RBMS1: variants seen among roughly 807,000 people sequenced by gnomAD.
RBMS1 encodes the protein RNA-binding motif, single-stranded-interacting protein 1.
A neutral mutation model predicts 62.3 loss-of-function variants in RBMS1; 17 were observed. The observed-to-expected ratio is 0.27, with a 90% CI of 0.19 to 0.41. The LOEUF (loss-of-function observed/expected upper bound fraction) is 0.41. Ranked by LOEUF, RBMS1 falls within the 10% of genes least tolerant of loss-of-function variation. RBMS1 has a pLI of 1.00. For missense variants in RBMS1, 334 were observed against 504.5 expected (o/e 0.66, Z 3.24); for synonymous variants, 172 against 170.0 (o/e 1.01, Z -0.09).
chr2:160,439,923 C>CT (rs1338054434), intron 1 of RBMS1, among the ~76,000 whole-genome samples: 1 of 151,948 alleles, frequency 6.6e-6, no homozygotes, highest in Non-Finnish European at 1.5e-5. Context: ...GGCGTGGCGG[C>CT]GCGCGCCTGC....
chr2:160,449,804 A>G (rs555956070), intron 1 of RBMS1, among the ~76,000 whole-genome samples: 1 of 149,468 alleles, frequency 6.7e-6, no homozygotes, highest in African/African-American at 2.5e-5. Context: ...TCTCTGAGAA[A>G]CACCCAAGAA....
chr2:160,493,572 T>TTCC lies in RBMS1; in HGVS notation c.-212_-210dup, dbSNP rs1056033412. ...CCTCCTCCTCCTCCTCCTCCTCCTC[T>TTCC]TCCTCCTCCTCCTCCTCCTCCCAGG... On this transcript the variant is annotated 5_prime_UTR_variant, in exon 1 of 14. Coordinates refer to ENST00000348849, the MANE Select transcript of RBMS1 (RefSeq NM_016836.4). 6.5e-4 allele frequency: 273 copies of TTCC among 422,520 alleles called. No individual in the cohort carries two copies. Among genetic ancestry groups the TTCC allele is most frequent in the African/African-American group, 5.6e-3 (199 of 35,720 alleles). 26.2% of individuals were successfully genotyped at this position (422,520 alleles called of 1,614,324 possible).
At chr2:160,455,695 T>C (rs2105325128) in intron 1 of RBMS1, among the ~76,000 whole-genome samples, 2 of 150,986 alleles carry the variant, frequency 1.3e-5, no homozygotes, top group Non-Finnish European at 3.0e-5. Flanking sequence ...TTTTTTTTTT[T>C]TTTTTTGAGA....
chr2:160,485,476 T>A (rs1685563129), intron 1 of RBMS1, among the ~76,000 whole-genome samples: 1 of 152,200 alleles, frequency 6.6e-6, no homozygotes, highest in Non-Finnish European at 1.5e-5. Context: ...TATACGTGAA[T>A]TATAAAGTGG....
chr2:160,492,561 T>C (rs954052370), intron 1 of RBMS1, among the ~76,000 whole-genome samples: 1 of 152,234 alleles, frequency 6.6e-6, no homozygotes, highest in African/African-American at 2.4e-5. Context: ...AAGTCACTTC[T>C]TTCTCTGCAC....
At position 160,324,613 on chromosome 2, in the gene RBMS1, T is replaced by G. The variant is rs527543944; in HGVS notation, c.252-6386A>C. Among the ~76,000 whole-genome samples the G allele has an allele frequency of 1.7e-4, 26 of 151,786 alleles. No individual in the cohort carries two copies. The South Asian group carries it at 2.1e-3, about 12-fold the overall frequency. On this transcript the variant is annotated intron_variant, in intron 2 of 13. Coordinates refer to ENST00000348849, the MANE Select transcript of RBMS1 (RefSeq NM_016836.4). ...CAGAATGTTGCTCATGCATATAGAA[T>G]GATAGTTTTCATAATAGCTGCTCCT...
chr2:160,327,752 C>T (rs571621904), intron 2 of RBMS1, among the ~76,000 whole-genome samples: 20 of 151,972 alleles, frequency 1.3e-4, no homozygotes, highest in African/African-American at 4.6e-4. Flanking sequence ...TAATATGTGC[C>T]GAAAATGAAA....
At chr2:160,421,666 A>C (rs988481933) in intron 1 of RBMS1, among the ~76,000 whole-genome samples, 5 of 152,192 alleles carry the variant, frequency 3.3e-5, no homozygotes, top group Non-Finnish European at 5.9e-5. Context: ...TATACCCAGT[A>C]ATGGGATGGC....
At chr2:160,455,839 ACG>A (rs1392010518) in intron 1 of RBMS1, among the ~76,000 whole-genome samples, 1 of 151,546 alleles carries the variant, frequency 6.6e-6, no homozygotes, top group East Asian at 1.9e-4. Context: ...GCCCGCTACC[ACG>A]CCCGGCTAAT....
At position 160,372,976 on chromosome 2, in the gene RBMS1, CAATT is replaced by C. The variant is rs535829886; in HGVS notation, c.76-5589_76-5586del. ...CATACCATGGAGTTAAGGAAATAATCAATTAATCCCATTTGATAACAAGGATATC... is the reference window on the plus strand; with the variant it reads ...CATACCATGGAGTTAAGGAAATAATCAATCCCATTTGATAACAAGGATATC... On this transcript the variant is annotated intron_variant, in intron 1 of 13. Coordinates refer to ENST00000348849, the MANE Select transcript of RBMS1 (RefSeq NM_016836.4). Among the ~76,000 whole-genome samples, 214 of 152,206 alleles carry C rather than the reference CAATT, an allele frequency of 1.4e-3. 1 individual carries two copies. Among genetic ancestry groups the C allele is most frequent in the Non-Finnish European group, 2.3e-3 (157 of 68,004 alleles).
intron 1 of RBMS1, among the ~76,000 whole-genome samples, chr2:160,406,144 TTC>T (rs1045221068): frequency 1.3e-5 from 2 of 152,216 alleles, no homozygotes; most frequent in African/African-American, 4.8e-5. Context: ...CAGGTAAAAG[TTC>T]CATGGACTTC....
intron 3 of RBMS1, among the ~76,000 whole-genome samples, chr2:160,314,850 T>C (rs967830967): frequency 6.6e-6 from 1 of 152,166 alleles, no homozygotes; most frequent in African/African-American, 2.4e-5. Flanking sequence ...TCTTGGATGT[T>C]TTTTTAGACA....
intron 2 of RBMS1, among the ~76,000 whole-genome samples, chr2:160,358,879 C>T (rs900792794): frequency 6.6e-6 from 1 of 151,526 alleles, no homozygotes; most frequent in South Asian, 2.1e-4. Flanking sequence ...TTTCCTCGAC[C>T]CTCAAAGAAA....
chr2:160,349,667 G>C (rs529218435), intron 2 of RBMS1, among the ~76,000 whole-genome samples: 3 of 152,018 alleles, frequency 2.0e-5, no homozygotes, highest in East Asian at 1.9e-4. Context: ...TCCGCAATTA[G>C]GGATTTGGGC....
chr2:160,386,817 C>T (rs893749251), intron 1 of RBMS1, among the ~76,000 whole-genome samples: 2 of 152,200 alleles, frequency 1.3e-5, no homozygotes, highest in African/African-American at 4.8e-5. Flanking sequence ...TTTGTTAGAG[C>T]GGCCTGAACT....
At chr2:160,459,106 G>C (rs925145086) in intron 1 of RBMS1, among the ~76,000 whole-genome samples, 1 of 152,204 alleles carries the variant, frequency 6.6e-6, no homozygotes, top group African/African-American at 2.4e-5. Context: ...ATTGTTTTGA[G>C]ATTGTTTGGG....
At chr2:160,401,787 C>T (rs1695433107) in intron 1 of RBMS1, among the ~76,000 whole-genome samples, 1 of 152,108 alleles carries the variant, frequency 6.6e-6, no homozygotes, top group Non-Finnish European at 1.5e-5. Context: ...AATATATTTG[C>T]ATGAAATAAA....
chr2:160,391,301 T>C (rs1694853967), intron 1 of RBMS1, among the ~76,000 whole-genome samples: 1 of 151,530 alleles, frequency 6.6e-6, no homozygotes, highest in Non-Finnish European at 1.5e-5. Flanking sequence ...AGACGAGTTA[T>C]GTTGCCACAA....
At chr2:160,285,485 G>A (rs1167529036) in intron 7 of RBMS1, among the ~76,000 whole-genome samples, 1 of 152,034 alleles carries the variant, frequency 6.6e-6, no homozygotes, top group Non-Finnish European at 1.5e-5. Flanking sequence ...AGCCACCTGT[G>A]GCTGGTGGCT....
Sources: gnomAD v4.1 joint callset for allele counts (sites outside exome capture counted in the v4.1 genomes callset) on GRCh38, gnomAD v4.1.1 for gene constraint, MANE v1.5 for transcripts, NCBI Gene and HGNC (gene_info 2026-07-23, HGNC 2026-07-21) for gene names.